Variants in OCA2 observed in about 807,000 individuals in gnomAD.
The protein encoded by OCA2 is P protein.
OCA2 carries 77 observed loss-of-function variants against 100.2 expected under a neutral mutation model. That is an observed-to-expected ratio of 0.77 (90% CI 0.64 to 0.93). The LOEUF (loss-of-function observed/expected upper bound fraction) is 0.93. Among genes scored for constraint, OCA2 ranks in the 40% least tolerant of loss-of-function variants. The pLI is 0.00. For missense variants in OCA2, 1,062 were observed against 1,089.1 expected, an observed-to-expected ratio of 0.98 and a Z score of 0.35; for synonymous variants, 432 against 439.2, an observed-to-expected ratio of 0.98 and a Z score of 0.21.
At chr15:27,732,111 T>C in the OCA2 span, among the ~76,000 whole-genome samples, 1 of 152,224 alleles carries the variant, frequency 6.6e-6, no homozygotes, top group Non-Finnish European at 1.5e-5. Flanking sequence ...CAATCAGCCA[T>C]ACACAGTATT....
At chr15:28,013,182 C>A (rs908536206) in intron 9 of OCA2, among the ~76,000 whole-genome samples, 3 of 152,104 alleles carry the variant, frequency 2.0e-5, no homozygotes, top group South Asian at 2.1e-4. Context: ...CAAAATGGAA[C>A]CTGAAGGCTT....
At chr15:28,005,392 G>A (rs893359954) in intron 9 of OCA2, among the ~76,000 whole-genome samples, 5 of 152,028 alleles carry the variant, frequency 3.3e-5, no homozygotes, top group Non-Finnish European at 5.9e-5. Flanking sequence ...TGAGTTTCCC[G>A]GGCTGCTGTC....
intron 19 of OCA2, among the ~76,000 whole-genome samples, chr15:27,889,982 A>G (rs1298246145): frequency 6.6e-6 from 1 of 152,202 alleles, no homozygotes. Context: ...AGATCCAGGT[A>G]CCAGCATTTG....
Position 27,957,457 on chromosome 15 carries a change from A to G in OCA2, c.1784+131T>C, listed in dbSNP as rs2040260900. ...CAGTGAGGGTTAGATAAAATGTACT[A>G]TAAGAGGCTTAGCACAGTGTGCGTC... is the stretch of plus-strand genomic sequence containing the variant. On this transcript the variant is annotated intron_variant, in intron 16 of 23. Coordinates refer to ENST00000354638, the MANE Select transcript of OCA2 (RefSeq NM_000275.3). The surrounding 1 kb of genome is among the most constrained non-coding windows in gnomAD (Gnocchi z 4.3). 9.1e-7 allele frequency: 1 copy of G among 1,099,040 alleles called. No homozygotes were observed. Among genetic ancestry groups the G allele is most frequent in the Non-Finnish European group, 1.4e-6 (1 of 730,884 alleles). 68.1% of individuals were successfully genotyped at this position (1,099,040 alleles called of 1,614,324 possible). A position where few individuals can be genotyped will look rare whatever the true frequency, so the allele number is the denominator to read the frequency against.
chr15:28,075,537 T>C (rs8027392), intron 2 of OCA2, among the ~76,000 whole-genome samples: 4,557 of 152,324 alleles, frequency 0.03, 209 homozygotes, highest in African/African-American at 0.1. Context: ...GTTAAACATA[T>C]ATTTATCAAA....
chr15:27,808,181 T>C (rs1418086325), intron 23 of OCA2, among the ~76,000 whole-genome samples: 1 of 152,186 alleles, frequency 6.6e-6, no homozygotes, highest in African/African-American at 2.4e-5. Flanking sequence ...GGAGAAACGT[T>C]TCCTTCTGCT....
chr15:28,091,061 C>A (rs890925175), intron 1 of OCA2, among the ~76,000 whole-genome samples: 1 of 152,140 alleles, frequency 6.6e-6, no homozygotes, highest in African/African-American at 2.4e-5. Flanking sequence ...ATCAGATTGC[C>A]ATTTTACAAC....
At chr15:27,882,015 T>G (rs1474112409) in intron 19 of OCA2, among the ~76,000 whole-genome samples, 1 of 152,196 alleles carries the variant, frequency 6.6e-6, no homozygotes, top group Non-Finnish European at 1.5e-5. Flanking sequence ...TTTGGTGCTG[T>G]AAATTCCCCT....
At chr15:27,952,352 A>G (rs16950658) in intron 17 of OCA2, among the ~76,000 whole-genome samples, 1,531 of 152,290 alleles carry the variant, frequency 0.01, 28 homozygotes, top group African/African-American at 0.035. Flanking sequence ...TTAGCGCTGG[A>G]ATGACACCCG....
intron 1 of OCA2, among the ~76,000 whole-genome samples, chr15:28,096,154 G>A (rs2044977143): frequency 6.6e-6 from 1 of 151,152 alleles, no homozygotes; most frequent in African/African-American, 2.4e-5. Context: ...CCGGGAGGTG[G>A]CTGGTCTCGG....
At chr15:28,090,606 G>T (rs1467136584) in intron 1 of OCA2, among the ~76,000 whole-genome samples, 2 of 152,124 alleles carry the variant, frequency 1.3e-5, no homozygotes, top group Non-Finnish European at 2.9e-5. Context: ...GATTCAAAAA[G>T]AAAGTCTCAA....
chr15:28,072,585 G>A lies in OCA2; in HGVS notation c.227+9063C>T, dbSNP rs531447959. Among the ~76,000 whole-genome samples, 71 of 102,842 alleles carry A rather than the reference G, an allele frequency of 6.9e-4. 1 individual carries two copies. The East Asian group carries it at 0.021, about 31-fold the overall frequency. 67.5% of individuals were successfully genotyped at this position (102,842 alleles called of 152,430 possible). ...AGCCTGGGCGACAGAGCAAGATTCCGTCTCAAAAAAAAAAAAAAAAAAAAC... is the reference window on the plus strand; with the variant it reads ...AGCCTGGGCGACAGAGCAAGATTCCATCTCAAAAAAAAAAAAAAAAAAAAC... On this transcript the variant is annotated intron_variant, in intron 2 of 23. Coordinates refer to ENST00000354638, the MANE Select transcript of OCA2 (RefSeq NM_000275.3).
At chr15:27,851,288 T>C in intron 22 of OCA2, 94 bp downstream of exon 22, 1 of 1,033,002 alleles carries the variant, frequency 9.7e-7, no homozygotes, top group Non-Finnish European at 1.5e-6. Flanking sequence ...CTCTCCTTCA[T>C]TTGCTTTTAA....
At chr15:28,022,951 T>C (rs915651238) in intron 5 of OCA2, among the ~76,000 whole-genome samples, 2 of 152,234 alleles carry the variant, frequency 1.3e-5, no homozygotes, top group African/African-American at 4.8e-5. Context: ...TTATACACCA[T>C]CAAAAAGTAA....
chr15:27,891,015 C>A (rs1409525961), intron 19 of OCA2, among the ~76,000 whole-genome samples: 2 of 146,076 alleles, frequency 1.4e-5, no homozygotes, highest in Non-Finnish European at 3.0e-5. Context: ...CAGAGTGAGA[C>A]TCCATCTCAA....
intron 19 of OCA2, among the ~76,000 whole-genome samples, chr15:27,921,807 T>A (rs986389037): frequency 6.6e-6 from 1 of 152,160 alleles, no homozygotes; most frequent in Non-Finnish European, 1.5e-5. Context: ...AGCATAGTGC[T>A]CCTCCCACAT....
intron 18 of OCA2, among the ~76,000 whole-genome samples, chr15:27,935,220 T>C (rs573987600): frequency 6.6e-6 from 1 of 152,330 alleles, no homozygotes; most frequent in East Asian, 1.9e-4. Context: ...TGGAGATGAA[T>C]ACAGATAAAA....
chr15:28,079,651 C>G (rs1397704239), intron 2 of OCA2, among the ~76,000 whole-genome samples: 1 of 152,186 alleles, frequency 6.6e-6, no homozygotes, highest in African/African-American at 2.4e-5. Flanking sequence ...AGAAGCTCCG[C>G]ATGGGAGGTG....
chr15:27,778,540 G>A (rs748639293), intron 23 of OCA2, among the ~76,000 whole-genome samples: 48 of 151,958 alleles, frequency 3.2e-4, no homozygotes, highest in Middle Eastern at 6.8e-3. Context: ...TTGCATATCT[G>A]TTTTTAAAGC....
Sources: gnomAD v4.1 joint callset for allele counts (sites outside exome capture counted in the v4.1 genomes callset) on GRCh38, gnomAD v4.1.1 for gene constraint, Gnocchi (gnomAD v3.1) non-coding constraint, MANE v1.5 for transcripts, NCBI Gene and HGNC (gene_info 2026-07-23, HGNC 2026-07-21) for gene names.